Variants in E2F5 observed in about 807,000 individuals in gnomAD.
E2F5 encodes the protein transcription factor E2F5.
E2F5 carries 23 observed loss-of-function variants against 39.1 expected under a neutral mutation model. The ratio of observed to expected loss-of-function variants is 0.59; its 90% CI spans 0.42 to 0.83. E2F5 has a LOEUF of 0.83. Ranked by LOEUF, E2F5 falls within the 40% of genes least tolerant of loss-of-function variation. E2F5 has a pLI of 0.00. For missense variants in E2F5, 365 were observed against 406.7 expected, an observed-to-expected ratio of 0.90 and a Z score of 0.88; for synonymous variants, 145 against 157.8, an observed-to-expected ratio of 0.92 and a Z score of 0.61.
At chr8:85,186,264 A>C (rs1202190585) in intron 1 of E2F5, among the ~76,000 whole-genome samples, 1 of 152,146 alleles carries the variant, frequency 6.6e-6, no homozygotes, top group Non-Finnish European at 1.5e-5. Context: ...CAATAACAGA[A>C]AACCAAACAC....
At chr8:85,209,465 T>G in intron 6 of E2F5, 56 bp downstream of exon 6, 1 of 1,516,126 alleles carries the variant, frequency 6.6e-7, no homozygotes, top group Non-Finnish European at 8.8e-7. Flanking sequence ...AAAAACAGGT[T>G]GGCTCTCTTA....
rs4150886 is a variant in E2F5 at position 85,189,616 on chromosome 8, G to A, written c.234+11962G>A. Among the ~76,000 whole-genome samples, 10 of 152,150 alleles carry A rather than the reference G, an allele frequency of 6.6e-5. No homozygotes were observed. The South Asian group carries it at 1.7e-3, about 25-fold the overall frequency. ...AGTCATGGCCCCAAGTGATCCACCC[G>A]CCTCAGTCTCTGAAAGTGCTGTGAT... On this transcript the variant is annotated intron_variant, in intron 1 of 7. Coordinates refer to ENST00000416274, the MANE Select transcript of E2F5 (RefSeq NM_001951.4).
At chr8:85,180,709 C>T (rs1483229016) in intron 1 of E2F5, among the ~76,000 whole-genome samples, 1 of 149,200 alleles carries the variant, frequency 6.7e-6, no homozygotes, top group African/African-American at 2.5e-5. Flanking sequence ...TCCCGAGTAG[C>T]TGGGACTACA....
At chr8:85,208,285 G>C (rs549993734) in intron 5 of E2F5, among the ~76,000 whole-genome samples, 4 of 152,152 alleles carry the variant, frequency 2.6e-5, no homozygotes, top group Non-Finnish European at 4.4e-5. Flanking sequence ...CCGAAATCGC[G>C]CCATTGCACT....
At chr8:85,182,414 T>G (rs542285380) in intron 1 of E2F5, among the ~76,000 whole-genome samples, 5 of 152,196 alleles carry the variant, frequency 3.3e-5, no homozygotes, top group Non-Finnish European at 7.3e-5. Flanking sequence ...AGAGCTAAGA[T>G]TTGAAATTAG....
chr8:85,183,160 G>A (rs191184556), intron 1 of E2F5, among the ~76,000 whole-genome samples: 3 of 152,330 alleles, frequency 2.0e-5, no homozygotes, highest in African/African-American at 7.2e-5. Flanking sequence ...GCTGAGGCAG[G>A]AGAATGGTGT....
chr8:85,194,320 T>C (rs1248335952), intron 1 of E2F5, among the ~76,000 whole-genome samples: 1 of 152,154 alleles, frequency 6.6e-6, no homozygotes, highest in Non-Finnish European at 1.5e-5. Context: ...ACTCAAATCA[T>C]AGTTCATATT....
rs1812102173 is a variant in E2F5 at position 85,177,274 on chromosome 8, C to T, written c.-147C>T. The stretch of plus-strand genomic sequence containing the variant: ...CCCAGACTCCCGTGGGCGCCGCACA[C>T]CTGTTGTTTGCAGCAGCCAGCGACC... On this transcript the variant is annotated 5_prime_UTR_variant, in exon 1 of 8. Transcript: ENST00000416274. 1.6e-6 allele frequency: 1 copy of T among 641,130 alleles called. No individual in the cohort carries two copies. The highest frequency in any genetic ancestry group is 1.9e-6 in the Non-Finnish European group (1 of 514,966). The allele number at this position is 641,130 out of a possible 1,614,324, so 39.7% of individuals were successfully genotyped here.
intron 3 of E2F5, 132 bp from the exon 4 acceptor site, chr8:85,206,045 T>C (rs574964030): frequency 2.5e-6 from 2 of 788,268 alleles, no homozygotes; most frequent in African/African-American, 3.5e-5. Context: ...AGACTTCTTT[T>C]TTTGTCTGTC....
intron 6 of E2F5, among the ~76,000 whole-genome samples, chr8:85,211,047 G>A (rs1812907533): frequency 6.6e-6 from 1 of 152,006 alleles, no homozygotes; most frequent in African/African-American, 2.4e-5. Flanking sequence ...AGAAGCGATG[G>A]AAACTGTAGA....
At position 85,207,342 on chromosome 8, in the gene E2F5, C is replaced by T. The variant is rs1812820370; in HGVS notation, c.551-83C>T. On this transcript the variant is annotated intron_variant, in intron 4 of 7. Coordinates refer to ENST00000416274, the MANE Select transcript of E2F5 (RefSeq NM_001951.4). Reference sequence around the variant, plus strand: ...CTAGTTTGGGATTGAACCAAACACTCTGATTCCAGAGCCCACATTCTTGCC... The same window carrying T: ...CTAGTTTGGGATTGAACCAAACACTTTGATTCCAGAGCCCACATTCTTGCC... 5.7e-6 allele frequency: 7 copies of T among 1,230,682 alleles called. No individual in the cohort carries two copies. The Admixed American group carries it at 1.7e-4, about 29-fold the overall frequency. The allele number at this position is 1,230,682 out of a possible 1,614,324, so 76.2% of individuals were successfully genotyped here. A position where few individuals can be genotyped will look rare whatever the true frequency, so the allele number is the denominator to read the frequency against.
Position 85,193,917 on chromosome 8 carries a change from G to A in E2F5, c.235-8230G>A, listed in dbSNP as rs4150903. On this transcript the variant is annotated intron_variant, in intron 1 of 7. Transcript: ENST00000416274. ...TATAGTTTTGGTTGTTATGAATACC[G>A]CTATGAATTCATGTATAAGCCTTCA... Among the ~76,000 whole-genome samples, 762 of 152,182 alleles carry A rather than the reference G, an allele frequency of 5.0e-3. 10 individuals are homozygous for A. Among genetic ancestry groups the A allele is most frequent in the African/African-American group, 0.017 (723 of 41,520 alleles).
chr8:85,210,268 C>T (rs1004786790), intron 6 of E2F5, among the ~76,000 whole-genome samples: 9 of 152,150 alleles, frequency 5.9e-5, no homozygotes, highest in South Asian at 2.1e-4. Context: ...TTAAAAGTGA[C>T]GCTAACAAGA....
At chr8:85,206,863 T>C (rs2129741496) in intron 4 of E2F5, among the ~76,000 whole-genome samples, 1 of 152,344 alleles carries the variant, frequency 6.6e-6, no homozygotes, top group Middle Eastern at 3.4e-3. Context: ...GCCAAGTACC[T>C]CATCAAGTGG....
At chr8:85,208,358 A>G (rs926524872) in intron 5 of E2F5, among the ~76,000 whole-genome samples, 4 of 152,196 alleles carry the variant, frequency 2.6e-5, no homozygotes, top group African/African-American at 7.2e-5. Flanking sequence ...CACATCTACA[A>G]TTGATATAAA....
intron 4 of E2F5, among the ~76,000 whole-genome samples, chr8:85,207,031 T>G (rs1812814364): frequency 6.6e-6 from 1 of 152,186 alleles, no homozygotes; most frequent in African/African-American, 2.4e-5. Flanking sequence ...TCAAAAATAA[T>G]AAAATCATTT....
intron 1 of E2F5, among the ~76,000 whole-genome samples, chr8:85,196,835 A>T (rs954054453): frequency 6.6e-6 from 1 of 152,214 alleles, no homozygotes; most frequent in African/African-American, 2.4e-5. Context: ...TGTGGATTGA[A>T]ATAAAACATT....
intron 4 of E2F5, among the ~76,000 whole-genome samples, chr8:85,206,572 C>T (rs1812807035): frequency 6.6e-6 from 1 of 152,118 alleles, no homozygotes; most frequent in South Asian, 2.1e-4. Context: ...TTCTCATCAG[C>T]ATTGTTTATC....
intron 1 of E2F5, chr8:85,201,800 G>A (rs1812702939): frequency 3.8e-6 from 1 of 259,956 alleles, no homozygotes; most frequent in African/African-American, 2.3e-5. Context: ...TATGAACAGA[G>A]AAATAAGATA....
Sources: allele counts gnomAD v4.1 joint callset (sites outside exome capture counted in the v4.1 genomes callset), GRCh38; gene constraint gnomAD v4.1.1; transcripts MANE v1.5; gene names NCBI Gene and HGNC (gene_info 2026-07-23, HGNC 2026-07-21).